The following STARD13 variants were observed in gnomAD, a reference collection of about 807,000 sequenced individuals.
STARD13 encodes StAR related lipid transfer domain containing 13, also known as stAR-related lipid transfer protein 13.
STARD13 carries 62 observed loss-of-function variants against 106.4 expected under a neutral mutation model. The ratio of observed to expected loss-of-function variants is 0.58; its 90% CI spans 0.48 to 0.72. The LOEUF is 0.72. Among genes scored for constraint, STARD13 ranks in the 30% least tolerant of loss-of-function variants. The probability of loss-of-function intolerance (pLI) is 0.00; values close to 1 mark genes in which losing one functional copy is unlikely to be tolerated. For synonymous variants in STARD13, 565 were observed against 553.0 expected, an observed-to-expected ratio of 1.02 and a Z score of -0.31; for missense variants, 1,387 against 1,424.0, an observed-to-expected ratio of 0.97 and a Z score of 0.42.
At position 33,130,671 on chromosome 13, in the gene STARD13, C is replaced by T. The variant is rs1008875387; in HGVS notation, c.388-382G>A. Reference sequence around the variant, plus strand: ...TCTTCTTTTTCACAAAGGAACTCAACTCTGCCATAAAAGGCACTTACTTCT... The same window carrying T: ...TCTTCTTTTTCACAAAGGAACTCAATTCTGCCATAAAAGGCACTTACTTCT... On this transcript the variant is annotated intron_variant, in intron 4 of 13. Transcript: ENST00000336934. This position sits in a 1 kb window ranked among gnomAD's most constrained non-coding sequence, Gnocchi z 4.1. Among the ~76,000 whole-genome samples the T allele has an allele frequency of 8.5e-5, 13 of 152,204 alleles. No individual in the cohort carries two copies. The highest frequency in any genetic ancestry group is 2.9e-4 in the African/African-American group (12 of 41,444).
the STARD13 span, among the ~76,000 whole-genome samples, chr13:33,390,097 G>A: frequency 6.6e-6 from 1 of 152,100 alleles, no homozygotes; most frequent in Non-Finnish European, 1.5e-5. Flanking sequence ...TAGAAGAAAA[G>A]ATGCTAGGGT....
At chr13:33,403,785 T>C in the STARD13 span, among the ~76,000 whole-genome samples, 4 of 152,076 alleles carry the variant, frequency 2.6e-5, no homozygotes, top group African/African-American at 9.7e-5. Context: ...TTATTCTGCA[T>C]TTTTCCCTCC....
chr13:33,532,063 C>T, the STARD13 span, among the ~76,000 whole-genome samples: 8 of 152,200 alleles, frequency 5.3e-5, no homozygotes, highest in African/African-American at 7.2e-5. Flanking sequence ...AGTTCTCCTA[C>T]GAAGTCTCTA....
the STARD13 span, among the ~76,000 whole-genome samples, chr13:33,628,703 G>A: frequency 1.3e-5 from 2 of 152,210 alleles, no homozygotes; most frequent in African/African-American, 4.8e-5. Flanking sequence ...AGATGGGAAT[G>A]ACTGACGTGG....
At chr13:33,356,330 T>C in the STARD13 span, among the ~76,000 whole-genome samples, 10 of 152,368 alleles carry the variant, frequency 6.6e-5, no homozygotes, top group Admixed American at 2.0e-4. Context: ...TGTCTTAGTA[T>C]ACATAGAGTA....
intron 1 of STARD13, among the ~76,000 whole-genome samples, chr13:33,260,128 G>A (rs1218150013): frequency 2.0e-5 from 3 of 152,128 alleles, no homozygotes; most frequent in African/African-American, 7.2e-5. Flanking sequence ...TTAGATAACT[G>A]GTCCATGGTC....
the STARD13 span, among the ~76,000 whole-genome samples, chr13:33,471,520 T>C: frequency 1.3e-5 from 2 of 152,206 alleles, no homozygotes; most frequent in Non-Finnish European, 1.5e-5. Flanking sequence ...GAATACCTAA[T>C]ACTCCCTCAG....
the STARD13 span, among the ~76,000 whole-genome samples, chr13:33,495,465 T>C: frequency 6.6e-6 from 1 of 152,186 alleles, no homozygotes; most frequent in Non-Finnish European, 1.5e-5. Flanking sequence ...AGGGGCAGCA[T>C]GAACTAAAGT....
At chr13:33,408,427 G>A in the STARD13 span, among the ~76,000 whole-genome samples, 1 of 151,490 alleles carries the variant, frequency 6.6e-6, no homozygotes, top group Non-Finnish European at 1.5e-5. Context: ...TTTGTAAATG[G>A]TTCATTTCAT....
At chr13:33,575,111 T>TCA in the STARD13 span, among the ~76,000 whole-genome samples, 7 of 151,836 alleles carry the variant, frequency 4.6e-5, no homozygotes, top group African/African-American at 1.7e-4. Flanking sequence ...GAGATGGGGG[T>TCA]TTCACCATTT....
the STARD13 span, among the ~76,000 whole-genome samples, chr13:33,466,040 T>C: frequency 1.3e-5 from 2 of 152,182 alleles, no homozygotes; most frequent in African/African-American, 2.4e-5. Context: ...GTTTTCTCAT[T>C]TGTTAAATGC....
At chr13:33,404,832 A>G in the STARD13 span, among the ~76,000 whole-genome samples, 2 of 144,418 alleles carry the variant, frequency 1.4e-5, no homozygotes, top group East Asian at 2.0e-4. Context: ...GCTGGAGTGC[A>G]GTGGCATGGT....
chr13:33,515,900 T>G, the STARD13 span, among the ~76,000 whole-genome samples: 1 of 152,058 alleles, frequency 6.6e-6, no homozygotes, highest in Admixed American at 6.6e-5. Flanking sequence ...AATTCTCTGT[T>G]GCCCACCTGG....
chr13:33,360,726 A>ATTCCTCCTGTGTAGC, the STARD13 span, among the ~76,000 whole-genome samples: 1 of 134,638 alleles, frequency 7.4e-6, no homozygotes, highest in Admixed American at 7.2e-5. Context: ...AGACAGAAGG[A>ATTCCTCCTGTGTAGC]CATATTGTTG....
intron 1 of STARD13, among the ~76,000 whole-genome samples, chr13:33,328,196 G>T (rs2077798583): frequency 6.6e-6 from 1 of 152,114 alleles, no homozygotes; most frequent in African/African-American, 2.4e-5. Flanking sequence ...CAGGTATAAT[G>T]GTGATAGAGG....
chr13:33,126,292 G>C (rs575456381), intron 6 of STARD13, 52 bp from the exon 7 acceptor site: 16 of 1,584,272 alleles, frequency 1.0e-5, no homozygotes, highest in Non-Finnish European at 1.4e-5. Flanking sequence ...ACACTGTGGG[G>C]TGAGGCTCTG....
intron 3 of STARD13, among the ~76,000 whole-genome samples, chr13:33,144,458 C>A (rs2138245019): frequency 6.6e-6 from 1 of 152,354 alleles, no homozygotes; most frequent in Admixed American, 6.5e-5. Context: ...GGTTTCACTA[C>A]CACTTCTAAA....
the STARD13 span, among the ~76,000 whole-genome samples, chr13:33,468,078 G>T: frequency 6.6e-6 from 1 of 152,116 alleles, no homozygotes; most frequent in East Asian, 1.9e-4. Flanking sequence ...TCCCAAAAAG[G>T]CTACTACCAT....
intron 3 of STARD13, among the ~76,000 whole-genome samples, chr13:33,161,366 G>T (rs1390220886): frequency 6.6e-6 from 1 of 151,708 alleles, no homozygotes; most frequent in East Asian, 1.9e-4. Flanking sequence ...CTAGGCTGGA[G>T]TGCAGTGGCA....
Sources: allele counts gnomAD v4.1 joint callset (sites outside exome capture counted in the v4.1 genomes callset), GRCh38; gene constraint gnomAD v4.1.1; non-coding constraint Gnocchi (gnomAD v3.1); transcripts MANE v1.5; gene names NCBI Gene and HGNC (gene_info 2026-07-23, HGNC 2026-07-21).